Variants in NRXN3 observed in about 807,000 individuals in gnomAD.
NRXN3 encodes neurexin 3.
A neutral mutation model predicts 137.6 loss-of-function variants in NRXN3; 32 were observed. The ratio of observed to expected loss-of-function variants is 0.23; its 90% CI spans 0.18 to 0.31. NRXN3 has a LOEUF of 0.31. NRXN3 is among the 10% of genes least tolerant of loss of function. The probability of loss-of-function intolerance (pLI) is 1.00; values close to 1 mark genes in which losing one functional copy is unlikely to be tolerated. For missense variants in NRXN3, 1,574 were observed against 2,062.5 expected (o/e 0.76, Z 4.59); for synonymous variants, 798 against 784.5 (o/e 1.02, Z -0.29).
At chr14:78,906,731 TTC>T (rs1197866783) in intron 10 of NRXN3, among the ~76,000 whole-genome samples, 2 of 152,094 alleles carry the variant, frequency 1.3e-5, no homozygotes. Flanking sequence ...TGAATTCATT[TTC>T]TCTGTTTGGT....
intron 19 of NRXN3, among the ~76,000 whole-genome samples, chr14:79,786,558 A>C (rs1037500186): frequency 6.6e-6 from 1 of 152,232 alleles, no homozygotes; most frequent in African/African-American, 2.4e-5. Context: ...GAAGGCATTT[A>C]AAACCTAAAG....
At chr14:78,862,271 A>ATAG (rs1567543911) in intron 10 of NRXN3, among the ~76,000 whole-genome samples, 19,373 of 148,940 alleles carry the variant, frequency 0.13, 1,742 homozygotes, top group African/African-American at 0.26. Flanking sequence ...TAGATAGATA[A>ATAG]ATAGATAGAT....
intron 10 of NRXN3, among the ~76,000 whole-genome samples, chr14:78,913,972 C>T (rs970991659): frequency 1.3e-5 from 2 of 152,176 alleles, no homozygotes; most frequent in African/African-American, 4.8e-5. Context: ...TGGACTGACA[C>T]ATCCCAGTCC....
chr14:78,790,255 A>C (rs2098801217), intron 8 of NRXN3, among the ~76,000 whole-genome samples: 1 of 152,196 alleles, frequency 6.6e-6, no homozygotes, highest in African/African-American at 2.4e-5. Flanking sequence ...AATATTAAAA[A>C]TATGAAAGAG....
At position 78,926,765 on chromosome 14, in the gene NRXN3, TATATATTATATATATAAA is replaced by T. The variant is rs2099297005; in HGVS notation, c.2276-30463_2276-30446del. Among the ~76,000 whole-genome samples, 2 of 46,676 alleles carry T rather than the reference TATATATTATATATATAAA, an allele frequency of 4.3e-5. 1 individual carries two copies. Among genetic ancestry groups the T allele is most frequent in the South Asian group, 1.0e-3 (2 of 1,962 alleles). The allele number at this position is 46,676 out of a possible 152,430, so 30.6% of individuals were successfully genotyped here. On this transcript the variant is annotated intron_variant, in intron 10 of 20. Transcript: ENST00000335750. The stretch of plus-strand genomic sequence containing the variant: ...TATATTATATATTATATATATATTA[TATATATTATATATATAAA>T]ATATATTATATATTATATATTTATA...
intron 1 of NRXN3, among the ~76,000 whole-genome samples, chr14:78,236,854 C>G (rs561012391): frequency 2.6e-5 from 4 of 151,900 alleles, no homozygotes; most frequent in South Asian, 4.2e-4. Context: ...TTCTCTCTCA[C>G]TAGCCTGAAC....
At chr14:78,531,401 C>A (rs2096459604) in intron 4 of NRXN3, among the ~76,000 whole-genome samples, 1 of 152,190 alleles carries the variant, frequency 6.6e-6, no homozygotes, top group African/African-American at 2.4e-5. Flanking sequence ...TTGCATACCA[C>A]AATGAGAATT....
intron 4 of NRXN3, among the ~76,000 whole-genome samples, chr14:78,360,288 G>C (rs1207564449): frequency 6.6e-6 from 1 of 152,084 alleles, no homozygotes; most frequent in Non-Finnish European, 1.5e-5. Flanking sequence ...CTAGGGGTCG[G>C]GGTCCTTTCA....
chr14:79,324,236 GA>G (rs1351461522), intron 15 of NRXN3, among the ~76,000 whole-genome samples: 1 of 152,196 alleles, frequency 6.6e-6, no homozygotes, highest in Non-Finnish European at 1.5e-5. Context: ...ATGATTCTGT[GA>G]AAATTTTAGA....
chr14:78,896,858 T>C (rs1305318079), intron 10 of NRXN3, among the ~76,000 whole-genome samples: 1 of 151,900 alleles, frequency 6.6e-6, no homozygotes, highest in Non-Finnish European at 1.5e-5. Flanking sequence ...CGGGAAATGG[T>C]AGAACATAGT....
At chr14:79,408,755 C>T (rs1599846603) in intron 15 of NRXN3, among the ~76,000 whole-genome samples, 1 of 152,202 alleles carries the variant, frequency 6.6e-6, no homozygotes, top group South Asian at 2.1e-4. Context: ...TTTCCAGGCT[C>T]ATTCTTCATC....
At chr14:79,705,563 G>A (rs1018652898) in intron 19 of NRXN3, among the ~76,000 whole-genome samples, 8 of 151,182 alleles carry the variant, frequency 5.3e-5, no homozygotes, top group African/African-American at 1.2e-4. Flanking sequence ...GCAAACCCCC[G>A]TTAAATCTTA....
chr14:79,421,850 T>C (rs1259887861), intron 15 of NRXN3, among the ~76,000 whole-genome samples: 1 of 152,186 alleles, frequency 6.6e-6, no homozygotes, highest in Non-Finnish European at 1.5e-5. Context: ...AAATATAATT[T>C]ATTCTCTGTG....
At chr14:78,529,646 A>G (rs891033474) in intron 4 of NRXN3, among the ~76,000 whole-genome samples, 1 of 152,122 alleles carries the variant, frequency 6.6e-6, no homozygotes, top group Non-Finnish European at 1.5e-5. Flanking sequence ...TCCTTCCCTC[A>G]GTTATCTATT....
At chr14:79,026,877 A>G (rs1595079680) in intron 15 of NRXN3, among the ~76,000 whole-genome samples, 2 of 150,866 alleles carry the variant, frequency 1.3e-5, no homozygotes, top group East Asian at 3.9e-4. Context: ...CAAGATCTGC[A>G]AAAGAGGCAC....
intron 15 of NRXN3, among the ~76,000 whole-genome samples, chr14:79,041,085 T>C (rs2099624277): frequency 6.6e-6 from 1 of 152,164 alleles, no homozygotes; most frequent in African/African-American, 2.4e-5. Flanking sequence ...GATGTAACAG[T>C]AAAAATACCT....
At chr14:79,031,939 T>G (rs1595147171) in intron 15 of NRXN3, among the ~76,000 whole-genome samples, 1 of 152,138 alleles carries the variant, frequency 6.6e-6, no homozygotes, top group South Asian at 2.1e-4. Context: ...GTCTGTTAGG[T>G]TTTCTGAACA....
chr14:79,508,397 T>TTTTTTTTTTTTTTTTTTTTTTTTTTG, intron 16 of NRXN3, among the ~76,000 whole-genome samples: 1 of 119,784 alleles, frequency 8.3e-6, no homozygotes, highest in Non-Finnish European at 1.8e-5. Context: ...CTGATTTTTT[T>TTTTTTTTTTTTTTTTTTTTTTTTTTG]TTTTTTTTTA....
At chr14:78,252,161 T>C (rs1039035283) in intron 2 of NRXN3, among the ~76,000 whole-genome samples, 2 of 143,304 alleles carry the variant, frequency 1.4e-5, no homozygotes, top group Non-Finnish European at 3.0e-5. Flanking sequence ...TTTTTTCTTT[T>C]TTTTTTTTTT....
Sources: allele counts gnomAD v4.1 joint callset (sites outside exome capture counted in the v4.1 genomes callset), GRCh38; gene constraint gnomAD v4.1.1; transcripts MANE v1.5; gene names NCBI Gene and HGNC (gene_info 2026-07-23, HGNC 2026-07-21).